Variants in MGAT4C observed in about 807,000 individuals in gnomAD.
The protein encoded by MGAT4C is MGAT4 family member C.
Under a neutral mutation model 40.1 loss-of-function variants are expected in MGAT4C, and 19 were observed. The ratio of observed to expected loss-of-function variants is 0.47; its 90% confidence interval spans 0.33 to 0.70. The LOEUF is 0.70. Among genes scored for constraint, MGAT4C ranks in the 30% least tolerant of loss-of-function variants. The pLI is 0.02. For missense variants in MGAT4C, 491 were observed against 563.2 expected (o/e 0.87, Z 1.30); for synonymous variants, 181 against 187.1 (o/e 0.97, Z 0.27).
chr12:86,587,153 T>A (rs1432290911), intron 2 of MGAT4C, among the ~76,000 whole-genome samples: 1 of 151,954 alleles, frequency 6.6e-6, no homozygotes, highest in Non-Finnish European at 1.5e-5. Flanking sequence ...AGGGATCCAG[T>A]TTCAGCTTTC....
rs1883552042 is a variant in MGAT4C, at chr12:85,970,174, A to C, written c.*9115T>G. On this transcript the variant is annotated 3_prime_UTR_variant, in exon 5 of 5. Transcript: ENST00000611864. ...AAATATTAATTCATAAAGATTGTTA[A>C]ATTGAACTGAATATCTTTGCTAAGT... is the stretch of plus-strand genomic sequence containing the variant. 1 of 151,480 alleles carries C rather than the reference A, an allele frequency of 6.6e-6. No homozygotes were observed. The highest frequency in any genetic ancestry group is 1.5e-5 in the Non-Finnish European group (1 of 67,444). The allele number at this position is 151,480 out of a possible 1,614,324, so 9.4% of individuals were successfully genotyped here.
intron 2 of MGAT4C, among the ~76,000 whole-genome samples, chr12:86,695,241 T>A (rs1460434759): frequency 3.3e-5 from 5 of 152,160 alleles, no homozygotes; most frequent in Non-Finnish European, 5.9e-5. Context: ...CCGGTTAAAA[T>A]GGCTTTTGTC....
At position 85,964,803 on chromosome 12, in the gene MGAT4C, A is replaced by G. The variant is rs1348528592; in HGVS notation, c.*14486T>C. ...ATATGGAGAAGTAGAATGAGAGGCCACCTAGGTAATGTGATTTATTAAAAG... is the reference window on the plus strand; with the variant it reads ...ATATGGAGAAGTAGAATGAGAGGCCGCCTAGGTAATGTGATTTATTAAAAG... On this transcript the variant is annotated 3_prime_UTR_variant, in exon 5 of 5. Coordinates refer to ENST00000611864, the MANE Select transcript of MGAT4C (RefSeq NM_001351288.2). The G allele has an allele frequency of 1.3e-5, 2 of 152,090 alleles. No individual in the cohort carries two copies. Among genetic ancestry groups the G allele is most frequent in the Non-Finnish European group, 2.9e-5 (2 of 68,002 alleles). The allele number at this position is 152,090 out of a possible 1,614,324, so 9.4% of individuals were successfully genotyped here.
intron 2 of MGAT4C, among the ~76,000 whole-genome samples, chr12:86,689,881 A>G (rs1001744287): frequency 6.6e-6 from 1 of 152,194 alleles, no homozygotes; most frequent in Non-Finnish European, 1.5e-5. Flanking sequence ...GCTGGCAGGC[A>G]GGAATGTTTA....
intron 1 of MGAT4C, among the ~76,000 whole-genome samples, chr12:86,202,016 A>T (rs1456013412): frequency 2.6e-5 from 4 of 151,814 alleles, no homozygotes; most frequent in Admixed American, 6.6e-5. Context: ...TTGAAAAAAA[A>T]GTTATTACAT....
chr12:86,021,946 A>G (rs1449503640), intron 2 of MGAT4C, among the ~76,000 whole-genome samples: 2 of 152,194 alleles, frequency 1.3e-5, no homozygotes, highest in South Asian at 4.1e-4. Context: ...ATTTGGGTGG[A>G]TTTAATGCAT....
chr12:86,290,066 AGACG>A (rs1953468141), intron 4 of MGAT4C, among the ~76,000 whole-genome samples: 1 of 149,446 alleles, frequency 6.7e-6, no homozygotes, highest in Non-Finnish European at 1.5e-5. Flanking sequence ...TTTTTTTTTG[AGACG>A]GAGTCTTGCT....
chr12:86,709,679 G>C (rs1950524465), intron 2 of MGAT4C, among the ~76,000 whole-genome samples: 1 of 152,060 alleles, frequency 6.6e-6, no homozygotes, highest in African/African-American at 2.4e-5. Context: ...CTCTCAAAGT[G>C]CTGGGATTAA....
At chr12:86,800,880 A>C (rs1433834371) in intron 1 of MGAT4C, among the ~76,000 whole-genome samples, 1 of 151,864 alleles carries the variant, frequency 6.6e-6, no homozygotes, top group Non-Finnish European at 1.5e-5. Flanking sequence ...TTTTAGGAAG[A>C]AATCCTGCTA....
chr12:85,973,662 A>G lies in MGAT4C; in HGVS notation c.*5627T>C, dbSNP rs1276719445. 1 of 150,808 alleles carries G rather than the reference A, an allele frequency of 6.6e-6. No individual in the cohort carries two copies. Among genetic ancestry groups the G allele is most frequent in the Non-Finnish European group, 1.5e-5 (1 of 67,072 alleles). 9.3% of individuals were successfully genotyped at this position (150,808 alleles called of 1,614,324 possible). ...TATAATGTGAAAATTTGATCATGCT[A>G]TATTCTTAATTTAATTGTACTTCTA... On this transcript the variant is annotated 3_prime_UTR_variant, in exon 5 of 5. Coordinates refer to ENST00000611864, the MANE Select transcript of MGAT4C (RefSeq NM_001351288.2).
chr12:86,585,817 C>G (rs531505295), intron 2 of MGAT4C, among the ~76,000 whole-genome samples: 103 of 149,856 alleles, frequency 6.9e-4, no homozygotes, highest in African/African-American at 2.4e-3. Context: ...CAGGCTGCAG[C>G]TTGAGGAAGA....
chr12:86,262,514 T>A (rs1258068523), intron 4 of MGAT4C, among the ~76,000 whole-genome samples: 1 of 150,924 alleles, frequency 6.6e-6, no homozygotes, highest in Non-Finnish European at 1.5e-5. Context: ...TCCTGATAGC[T>A]CTCTTTTGTT....
chr12:85,980,430 C>A lies in MGAT4C; in HGVS notation c.296G>T (p.Arg99Leu). The change falls in exon 5 of 5, where the codon CGG (arginine) becomes CTG (leucine). Residue 99 changes from arginine (R) to leucine (L), a missense_variant and splice_region_variant. By Grantham distance (102) the Arg-to-Leu change is moderately radical. Transcript: ENST00000611864. ...TGAAGAAAGTCCAATTGTAAGATAC[C>A]CTGCAAAAAAGAATTCAGAAGCAAT... ...YLAATPLQRK[R>L]YLTIGLSSVK... is the part of the protein sequence containing the mutation. 2 of 1,564,790 alleles carry A rather than the reference C, an allele frequency of 1.3e-6. No individual in the cohort carries two copies. The highest frequency in any genetic ancestry group is 1.7e-6 in the Non-Finnish European group (2 of 1,159,068).
At chr12:86,671,176 G>A (rs1565915979) in intron 2 of MGAT4C, among the ~76,000 whole-genome samples, 1 of 152,186 alleles carries the variant, frequency 6.6e-6, no homozygotes, top group African/African-American at 2.4e-5. Flanking sequence ...AGGCGATTCT[G>A]ATGATTCAGA....
intron 3 of MGAT4C, among the ~76,000 whole-genome samples, chr12:86,419,883 C>T (rs1956788065): frequency 1.3e-5 from 2 of 152,026 alleles, no homozygotes; most frequent in Admixed American, 1.3e-4. Context: ...GTAGAAATTA[C>T]TTTGTATGTT....
At chr12:86,264,448 G>A (rs1172780198) in intron 4 of MGAT4C, among the ~76,000 whole-genome samples, 2 of 152,188 alleles carry the variant, frequency 1.3e-5, no homozygotes, top group East Asian at 3.9e-4. Context: ...AGCTGCCACT[G>A]CGAAGACGCG....
intron 1 of MGAT4C, among the ~76,000 whole-genome samples, chr12:86,158,155 G>T (rs1885180424): frequency 6.6e-6 from 1 of 151,936 alleles, no homozygotes. Context: ...CCCTTTGAGG[G>T]CAGGCAAGGA....
intron 2 of MGAT4C, among the ~76,000 whole-genome samples, chr12:86,583,055 C>T (rs972948306): frequency 1.3e-5 from 2 of 150,990 alleles, no homozygotes; most frequent in Non-Finnish European, 3.0e-5. Context: ...ATATTGCCTC[C>T]GGCTTACACA....
At chr12:86,004,559 T>C (rs918050829) in intron 2 of MGAT4C, among the ~76,000 whole-genome samples, 1 of 152,144 alleles carries the variant, frequency 6.6e-6, no homozygotes, top group Non-Finnish European at 1.5e-5. Flanking sequence ...GAGACCATAG[T>C]ACTGAATTAA....
Sources: gnomAD v4.1 joint callset for allele counts (sites outside exome capture counted in the v4.1 genomes callset) on GRCh38, gnomAD v4.1.1 for gene constraint, MANE v1.5 for transcripts, NCBI Gene and HGNC (gene_info 2026-07-23, HGNC 2026-07-21) for gene names.